PPP1CB: variants seen among roughly 807,000 people sequenced by gnomAD.
PPP1CB encodes the protein serine/threonine-protein phosphatase PP1-beta catalytic subunit.
A neutral mutation model predicts 43.7 loss-of-function variants in PPP1CB; 2 were observed. The ratio of observed to expected loss-of-function variants is 0.05; its 90% CI spans 0.02 to 0.14. The LOEUF (loss-of-function observed/expected upper bound fraction) is 0.14. Ranked by LOEUF, PPP1CB falls within the 10% of genes least tolerant of loss-of-function variation. PPP1CB has a pLI of 1.00. For missense variants in PPP1CB, 84 were observed against 398.0 expected (o/e 0.21, Z 6.71); for synonymous variants, 136 against 135.6 (o/e 1.00, Z -0.02).
intron 1 of PPP1CB, among the ~76,000 whole-genome samples, chr2:28,765,646 G>A (rs1666763710): frequency 6.6e-6 from 1 of 152,246 alleles, no homozygotes; most frequent in South Asian, 2.1e-4. Flanking sequence ...ACTGGGTATG[G>A]TGGCTCGCGC....
chr2:28,796,289 A>T (rs771314146), intron 7 of PPP1CB, among the ~76,000 whole-genome samples: 5 of 152,084 alleles, frequency 3.3e-5, no homozygotes, highest in African/African-American at 1.2e-4. Context: ...TTTCAATTTC[A>T]TATGAATTTT....
chr2:28,785,143 C>T (rs900602704), intron 5 of PPP1CB, among the ~76,000 whole-genome samples: 5 of 133,280 alleles, frequency 3.8e-5, no homozygotes, highest in Admixed American at 8.3e-5. Context: ...GGTGCAACCT[C>T]GGCTCACTGC....
rs536984513 is a variant in PPP1CB, at chr2:28,756,796, C to T, written c.52+4620C>T. The stretch of plus-strand genomic sequence containing the variant: ...AGGTGCTGCGCCCAGCCTGTAGTGT[C>T]CTTTTGAAGGTTAAAAAAAATGAAT... On this transcript the variant is annotated intron_variant, in intron 1 of 7. Transcript: ENST00000395366. 2.8e-4 allele frequency among the ~76,000 whole-genome samples: 13 copies of T among 47,026 alleles called. No homozygotes were observed. In the East Asian group the frequency reaches 8.3e-3, roughly 30 times the overall value. 30.9% of individuals were successfully genotyped at this position (47,026 alleles called of 152,430 possible).
intron 1 of PPP1CB, among the ~76,000 whole-genome samples, chr2:28,760,534 G>A (rs759883576): frequency 9.2e-5 from 14 of 152,188 alleles, no homozygotes; most frequent in South Asian, 2.1e-4. Context: ...AGTCCACTCT[G>A]TGATGTTTGC....
chr2:28,802,573 G>A lies in PPP1CB; in HGVS notation c.*3270G>A, dbSNP rs1376117124. 4 of 152,042 alleles carry A rather than the reference G, an allele frequency of 2.6e-5. No homozygotes were observed. Among genetic ancestry groups the A allele is most frequent in the East Asian group, 1.9e-4 (1 of 5,196 alleles). 9.4% of individuals were successfully genotyped at this position (152,042 alleles called of 1,614,324 possible). On this transcript the variant is annotated 3_prime_UTR_variant, in exon 8 of 8. Transcript: ENST00000395366. ...TGAAAATTGGGACAACATACTTTAC[G>A]CAATGAACAGTAGTTAAATAGGAAA... is the stretch of plus-strand genomic sequence containing the variant.
intron 1 of PPP1CB, among the ~76,000 whole-genome samples, chr2:28,776,513 A>G (rs1000716196): frequency 6.6e-6 from 1 of 151,504 alleles, no homozygotes; most frequent in African/African-American, 2.4e-5. Flanking sequence ...ACCCACCTCA[A>G]CCTCCCAAGG....
At chr2:28,787,828 T>A (rs1006911141) in intron 5 of PPP1CB, among the ~76,000 whole-genome samples, 3 of 152,220 alleles carry the variant, frequency 2.0e-5, no homozygotes, top group Non-Finnish European at 4.4e-5. Flanking sequence ...GCTGGTCTTC[T>A]CACTTTGTAT....
chr2:28,780,076 TTTTC>T (rs1421850494), intron 3 of PPP1CB, among the ~76,000 whole-genome samples: 1 of 131,610 alleles, frequency 7.6e-6, no homozygotes, highest in Non-Finnish European at 1.6e-5. Context: ...TTTTCTTTTC[TTTTC>T]TTTCTTTTTT....
chr2:28,781,003 T>C (rs1232508586), intron 3 of PPP1CB, among the ~76,000 whole-genome samples: 1 of 152,174 alleles, frequency 6.6e-6, no homozygotes, highest in East Asian at 1.9e-4. Flanking sequence ...AAATGGACAG[T>C]TTCCAGAGGC....
At chr2:28,791,834 G>T (rs1015691684) in intron 6 of PPP1CB, among the ~76,000 whole-genome samples, 2 of 152,104 alleles carry the variant, frequency 1.3e-5, no homozygotes, top group Non-Finnish European at 2.9e-5. Flanking sequence ...ACGCTAGTTT[G>T]CATGGTCTTT....
At chr2:28,785,139 A>G (rs1667239909) in intron 5 of PPP1CB, among the ~76,000 whole-genome samples, 1 of 127,850 alleles carries the variant, frequency 7.8e-6, no homozygotes, top group African/African-American at 3.0e-5. Context: ...CAGTGGTGCA[A>G]CCTCGGCTCA....
rs1320095331 is a variant in PPP1CB at position 28,801,999 on chromosome 2, A to G, written c.*2696A>G. 1.4e-4 allele frequency: 21 copies of G among 152,198 alleles called. No homozygotes were observed. Among genetic ancestry groups the G allele is most frequent in the Admixed American group, 1.3e-3 (20 of 15,276 alleles). 9.4% of individuals were successfully genotyped at this position (152,198 alleles called of 1,614,324 possible). On this transcript the variant is annotated 3_prime_UTR_variant, in exon 8 of 8. Transcript: ENST00000395366. ...GAGCCTAGCCAGCTACCCAGTATCC[A>G]TGCTGCCATATCCCTTCATTGTAAA... is the stretch of plus-strand genomic sequence containing the variant.
rs1324088161 is a variant in PPP1CB at position 28,792,355 on chromosome 2, AAAG to A, written c.745-1505_745-1503del. On this transcript the variant is annotated intron_variant, in intron 6 of 7. Coordinates refer to ENST00000395366, the MANE Select transcript of PPP1CB (RefSeq NM_002709.3). ...AACTCCATCTCGAAAAAAAAAAAGA[AAAG>A]AAATACAAAAAAATTAGCCAGGCAT... Among the ~76,000 whole-genome samples, 3 of 151,938 alleles carry A rather than the reference AAAG, an allele frequency of 2.0e-5. No individual in the cohort carries two copies. The East Asian group carries it at 5.8e-4, about 29-fold the overall frequency.
chr2:28,761,190 G>A (rs1192351536), intron 1 of PPP1CB, among the ~76,000 whole-genome samples: 1 of 152,118 alleles, frequency 6.6e-6, no homozygotes, highest in Non-Finnish European at 1.5e-5. Flanking sequence ...GCGCCCGGCC[G>A]AGACCAGACT....
At chr2:28,754,250 A>G (rs897659120) in intron 1 of PPP1CB, among the ~76,000 whole-genome samples, 2 of 151,102 alleles carry the variant, frequency 1.3e-5, no homozygotes, top group East Asian at 3.9e-4. Context: ...GGTTACTAGA[A>G]AAGACACTGG....
chr2:28,791,325 G>T (rs6547879), intron 6 of PPP1CB, among the ~76,000 whole-genome samples: 149,571 of 152,186 alleles, frequency 0.98, 73,543 homozygotes, highest in Non-Finnish European at 1. Flanking sequence ...GTAGTTTTTT[G>T]TTGTTGTTGT....
intron 5 of PPP1CB, among the ~76,000 whole-genome samples, chr2:28,786,931 A>G (rs1309390963): frequency 1.3e-5 from 2 of 152,174 alleles, no homozygotes; most frequent in Non-Finnish European, 1.5e-5. Context: ...ATTGAGACTG[A>G]CTATTCCAGT....
At chr2:28,754,527 C>CTA (rs1233719019) in intron 1 of PPP1CB, among the ~76,000 whole-genome samples, 1 of 152,164 alleles carries the variant, frequency 6.6e-6, no homozygotes, top group Non-Finnish European at 1.5e-5. Flanking sequence ...CCTCTCTGTC[C>CTA]TATGTTCAGC....
At chr2:28,778,752 T>G in intron 2 of PPP1CB, 57 bp from the exon 3 acceptor site, 1 of 1,091,840 alleles carries the variant, frequency 9.2e-7, no homozygotes, top group Non-Finnish European at 1.4e-6. Flanking sequence ...AATCATTTCA[T>G]AGAAGCTGCT....
Sources: allele counts gnomAD v4.1 joint callset (sites outside exome capture counted in the v4.1 genomes callset), GRCh38; gene constraint gnomAD v4.1.1; transcripts MANE v1.5; gene names NCBI Gene and HGNC (gene_info 2026-07-23, HGNC 2026-07-21).